The following PILRB variants were observed in gnomAD, a reference collection of about 807,000 sequenced individuals.
PILRB encodes paired immunoglobulin-like type 2 receptor beta.
Under a neutral mutation model 20.5 loss-of-function variants are expected in PILRB, and 21 were observed. The ratio of observed to expected loss-of-function variants is 1.02; its 90% CI spans 0.72 to 1.47. The LOEUF (loss-of-function observed/expected upper bound fraction) is 1.47. Ranked by LOEUF, PILRB falls within the 40% of genes most tolerant of loss-of-function variation. The pLI, the probability that PILRB is intolerant of heterozygous loss-of-function variation, is 0.00. For synonymous variants in PILRB, 133 were observed against 115.1 expected (o/e 1.16, Z -0.99); for missense variants, 253 against 272.1 (o/e 0.93, Z 0.49).
chr7:100,366,112 C>T (rs1313584727), intron 3 of PILRB, among the ~76,000 whole-genome samples: 1 of 151,994 alleles, frequency 6.6e-6, no homozygotes, highest in East Asian at 1.9e-4. Context: ...TGCCACCACG[C>T]CCGGCTAATT....
rs1239355082 is a variant in PILRB at position 100,367,572 on chromosome 7, G to A, written c.*195G>A. On this transcript the variant is annotated 3_prime_UTR_variant, in exon 4 of 4. Transcript: ENST00000609309. Reference sequence around the variant, plus strand: ...CCGACTGGAGGAGAGTTACCTACAAGAGCCTTCATCCAGGAGCATCCACAC... The same window carrying A: ...CCGACTGGAGGAGAGTTACCTACAAAAGCCTTCATCCAGGAGCATCCACAC... The A allele has an allele frequency of 1.2e-5, 7 of 604,192 alleles. No homozygotes were observed. Among genetic ancestry groups the A allele is most frequent in the African/African-American group, 1.9e-5 (1 of 53,868 alleles). 37.4% of individuals were successfully genotyped at this position (604,192 alleles called of 1,614,324 possible). A position where few individuals can be genotyped will look rare whatever the true frequency, so the allele number is the denominator to read the frequency against.
intron 3 of PILRB, among the ~76,000 whole-genome samples, chr7:100,361,333 C>G (rs1790520023): frequency 6.6e-6 from 1 of 152,166 alleles, no homozygotes; most frequent in African/African-American, 2.4e-5. Flanking sequence ...AAAGAGAGGA[C>G]AAGGCTCCAG....
rs538183878 is a variant in PILRB, at chr7:100,367,423, G to A, written c.*46G>A. 3.2e-5 allele frequency: 25 copies of A among 779,932 alleles called. 1 individual carries two copies. The highest frequency in any genetic ancestry group is 1.1e-4 in the South Asian group (8 of 74,602). 48.3% of individuals were successfully genotyped at this position (779,932 alleles called of 1,614,324 possible). A position where few individuals can be genotyped will look rare whatever the true frequency, so the allele number is the denominator to read the frequency against. ...GGGATGTGTATTAGCCCCGGAGGACGTGATGTGAGACCCGCTTGTGAGTCC... is the reference window on the plus strand; with the variant it reads ...GGGATGTGTATTAGCCCCGGAGGACATGATGTGAGACCCGCTTGTGAGTCC... On this transcript the variant is annotated 3_prime_UTR_variant, in exon 4 of 4. Coordinates refer to ENST00000609309, the MANE Select transcript of PILRB (RefSeq NM_178238.4).
chr7:100,367,217 A>C (rs892772690), intron 3 of PILRB, 132 bp from the exon 4 acceptor site: 196 of 836,850 alleles, frequency 2.3e-4, no homozygotes, highest in Non-Finnish European at 5.7e-5. Context: ...TAAGAACCCC[A>C]CAAGCCCAGC....
At chr7:100,360,712 G>C (rs1790500829) in intron 3 of PILRB, among the ~76,000 whole-genome samples, 2 of 152,188 alleles carry the variant, frequency 1.3e-5, no homozygotes, top group Admixed American at 1.3e-4. Context: ...GTGCAGGAGT[G>C]AGGTGGAGAG....
At chr7:100,367,287 C>T (rs1790721846) in intron 3 of PILRB, 62 bp from the exon 4 acceptor site, 1 of 779,254 alleles carries the variant, frequency 1.3e-6, no homozygotes. Context: ...TCTGAAGCAA[C>T]TGCCTCGCCT....
At chr7:100,359,681 G>A (rs1198154838) in intron 3 of PILRB, 144 bp downstream of exon 3, 6 of 703,416 alleles carry the variant, frequency 8.5e-6, no homozygotes, top group Non-Finnish European at 1.4e-5. Context: ...CTGTGCTGGG[G>A]CGTCTGCATC....
Position 100,359,351 on chromosome 7 carries a change from A to G in PILRB, c.469A>G (p.Thr157Ala). The G allele has an allele frequency of 1.2e-6, 2 of 1,614,034 alleles. No homozygotes were observed. The highest frequency in any genetic ancestry group is 8.5e-7 in the Non-Finnish European group (1 of 1,179,988). The change falls in exon 3 of 4, where the codon ACC (threonine) becomes GCC (alanine). Residue 157 changes from threonine (T) to alanine (A), a missense_variant. Coordinates refer to ENST00000609309, the MANE Select transcript of PILRB (RefSeq NM_178238.4). ...ATCTCTTCCAGCTGTCACAACCACC[A>G]CCACCTGGAGGCCCAGCAGCACAAC... The part of the protein sequence containing the change: ...LTITQAVTTT[T>A]TWRPSSTTTI...
At chr7:100,366,394 G>T (rs552397849) in intron 3 of PILRB, among the ~76,000 whole-genome samples, 1 of 152,012 alleles carries the variant, frequency 6.6e-6, no homozygotes, top group South Asian at 2.1e-4. Context: ...GAGGGGTGCC[G>T]TGAGGCCTGG....
At chr7:100,359,627 A>C in intron 3 of PILRB, 90 bp downstream of exon 3, 2 of 1,131,268 alleles carry the variant, frequency 1.8e-6, no homozygotes, top group Non-Finnish European at 2.6e-6. Context: ...AGAAATATGC[A>C]GACCCTGCTG....
At position 100,358,347 on chromosome 7, in the gene PILRB, G is replaced by GCCAGCA. The variant is rs745938941; in HGVS notation, c.46_51dup (p.Pro16_Ala17dup). ...TGCCCCTGCTGCTCCTGCTGCAGCC[G>GCCAGCA]CCAGCATTTCTGCAGCCTGGTGAGT... On this transcript the variant is annotated inframe_insertion, in exon 1 of 4. Transcript: ENST00000609309. The GCCAGCA allele has an allele frequency of 1.1e-5, 17 of 1,612,580 alleles. No individual in the cohort carries two copies. The East Asian group carries it at 3.6e-4, about 34-fold the overall frequency.
intron 3 of PILRB, 108 bp downstream of exon 3, chr7:100,359,645 T>A: frequency 1.0e-6 from 1 of 953,494 alleles, no homozygotes; most frequent in Non-Finnish European, 1.6e-6. Flanking sequence ...CTGGCTCCCC[T>A]CAAGCCCACC....
intron 3 of PILRB, among the ~76,000 whole-genome samples, chr7:100,363,298 C>A (rs1790585256): frequency 6.6e-6 from 1 of 152,070 alleles, no homozygotes; most frequent in East Asian, 1.9e-4. Flanking sequence ...CACAAAATTA[C>A]CTGTTGAATG....
intron 3 of PILRB, among the ~76,000 whole-genome samples, chr7:100,359,953 G>T (rs956330168): frequency 3.3e-5 from 5 of 152,152 alleles, no homozygotes; most frequent in African/African-American, 1.2e-4. Flanking sequence ...AACCCGGGAG[G>T]CAGAGGTTGC....
intron 3 of PILRB, among the ~76,000 whole-genome samples, chr7:100,364,303 A>T (rs968250848): frequency 6.6e-6 from 1 of 152,172 alleles, no homozygotes; most frequent in Non-Finnish European, 1.5e-5. Flanking sequence ...TCTCTGCCAA[A>T]AAATTAACTC....
rs1476176276 is a variant in PILRB at position 100,359,412 on chromosome 7, G to A, written c.530G>A (p.Gly177Glu). Residue 177 changes from glycine (G) to glutamate (E), a missense_variant, in exon 3 of 4, where the codon GGG becomes GAG. Coordinates refer to ENST00000609309, the MANE Select transcript of PILRB (RefSeq NM_178238.4). ...IAGLRVTESK[G>E]HSESWHLSLD... ...GGCCTCAGGGTCACAGAAAGCAAAGGGCACTCAGAATCATGGCACCTAAGT... is the reference window on the plus strand; with the variant it reads ...GGCCTCAGGGTCACAGAAAGCAAAGAGCACTCAGAATCATGGCACCTAAGT... 1.9e-6 allele frequency: 3 copies of A among 1,614,162 alleles called. No individual in the cohort carries two copies. The highest frequency in any genetic ancestry group is 1.7e-6 in the Non-Finnish European group (2 of 1,180,030).
intron 3 of PILRB, among the ~76,000 whole-genome samples, chr7:100,364,593 G>T (rs1388230845): frequency 6.6e-6 from 1 of 152,202 alleles, no homozygotes. Flanking sequence ...CCCAGAACTG[G>T]GGTTAATCAG....
At chr7:100,359,754 G>A (rs1252955277) in intron 3 of PILRB, among the ~76,000 whole-genome samples, 1 of 152,190 alleles carries the variant, frequency 6.6e-6, no homozygotes, top group Non-Finnish European at 1.5e-5. Context: ...CCTGGGCGCG[G>A]TGGCTCATGC....
intron 3 of PILRB, among the ~76,000 whole-genome samples, chr7:100,363,420 A>G (rs1563110095): frequency 6.6e-6 from 1 of 152,218 alleles, no homozygotes; most frequent in African/African-American, 2.4e-5. Context: ...AAACAATTCC[A>G]TTTACAATAA....
Sources: gnomAD v4.1 joint callset for allele counts (sites outside exome capture counted in the v4.1 genomes callset) on GRCh38, gnomAD v4.1.1 for gene constraint, MANE v1.5 for transcripts, NCBI Gene and HGNC (gene_info 2026-07-23, HGNC 2026-07-21) for gene names.